Variants in DHRS9 observed in about 807,000 individuals in gnomAD.
DHRS9 encodes dehydrogenase/reductase 9.
Under a neutral mutation model 26.6 loss-of-function variants are expected in DHRS9, and 18 were observed. The ratio of observed to expected loss-of-function variants is 0.68; its 90% CI spans 0.47 to 1.00. The LOEUF (loss-of-function observed/expected upper bound fraction) is 1.00, where lower values mean the gene tolerates loss of function less well. Among genes scored for constraint, DHRS9 ranks in the 50% least tolerant of loss-of-function variants. DHRS9 has a pLI of 0.00. For missense variants in DHRS9, 425 were observed against 378.7 expected (o/e 1.12, Z -1.01); for synonymous variants, 134 against 141.1 (o/e 0.95, Z 0.36).
intron 1 of DHRS9, chr2:169,070,166 T>G: frequency 1.2e-5 from 12 of 985,424 alleles, no homozygotes; most frequent in Non-Finnish European, 1.4e-5. Flanking sequence ...ATCAATATTA[T>G]CAGATGTAAG....
chr2:169,071,535 GA>G (rs1468159221), intron 1 of DHRS9, among the ~76,000 whole-genome samples: 1 of 152,134 alleles, frequency 6.6e-6, no homozygotes, highest in Non-Finnish European at 1.5e-5. Flanking sequence ...AGGAGGGAGG[GA>G]AGCTACATCC....
chr2:169,078,920 T>C (rs1437024745), intron 1 of DHRS9, among the ~76,000 whole-genome samples: 1 of 149,154 alleles, frequency 6.7e-6, no homozygotes, highest in Non-Finnish European at 1.5e-5. Flanking sequence ...ACCTTCTGGG[T>C]TCACGATTCT....
intron 4 of DHRS9, 57 bp from the exon 5 acceptor site, chr2:169,095,487 C>T: frequency 1.4e-6 from 2 of 1,429,214 alleles, no homozygotes; most frequent in Non-Finnish European, 2.0e-6. Flanking sequence ...GCACCCTAGA[C>T]TTCCACTCTG....
chr2:169,067,258 G>A (rs145819588), upstream of DHRS9: 11 of 1,535,356 alleles, frequency 7.2e-6, no homozygotes, highest in East Asian at 2.7e-4. Context: ...ACCACAGCCT[G>A]CACACTGGAG....
chr2:169,072,013 T>G (rs1683822246), intron 1 of DHRS9, among the ~76,000 whole-genome samples: 3 of 151,876 alleles, frequency 2.0e-5, no homozygotes, highest in Non-Finnish European at 4.4e-5. Context: ...CCTGGGTTTT[T>G]TTTTTTTTTT....
intron 3 of DHRS9, among the ~76,000 whole-genome samples, chr2:169,089,085 C>T (rs1312720385): frequency 6.6e-6 from 1 of 152,122 alleles, no homozygotes; most frequent in African/African-American, 2.4e-5. Context: ...GAAATGGTGG[C>T]ACATTAAAAC....
intron 1 of DHRS9, among the ~76,000 whole-genome samples, chr2:169,078,288 C>G (rs972277310): frequency 6.6e-6 from 1 of 152,182 alleles, no homozygotes; most frequent in Non-Finnish European, 1.5e-5. Flanking sequence ...GTGACTCCCT[C>G]GTGCATGCCC....
rs1219197878 is a variant in DHRS9 at position 169,079,919 on chromosome 2, G to GA, written c.-59-1604_-59-1603insA. ...AGAGGGAGGGAGGGAGGGAGGGAGG[G>GA]GGAGAGAGAGAGAGAGAGAGAGAGA... is the stretch of plus-strand genomic sequence containing the variant. On this transcript the variant is annotated intron_variant, in intron 1 of 4. Coordinates refer to ENST00000674881, the MANE Select transcript of DHRS9 (RefSeq NM_001376924.1). 5.0e-4 allele frequency among the ~76,000 whole-genome samples: 20 copies of GA among 39,800 alleles called. 1 individual carries two copies. Among genetic ancestry groups the GA allele is most frequent in the African/African-American group, 1.8e-3 (8 of 4,500 alleles). 26.1% of individuals were successfully genotyped at this position (39,800 alleles called of 152,430 possible).
At chr2:169,068,779 G>A (rs1422053376), upstream of DHRS9, among the ~76,000 whole-genome samples, 2 of 152,132 alleles carry the variant, frequency 1.3e-5, no homozygotes, top group East Asian at 1.9e-4. Context: ...ACTGGTATAC[G>A]AGGAAACTGA....
At chr2:169,090,855 A>C (rs959533454) in intron 3 of DHRS9, among the ~76,000 whole-genome samples, 2 of 152,200 alleles carry the variant, frequency 1.3e-5, no homozygotes, top group Admixed American at 1.3e-4. Flanking sequence ...CAATATGTAC[A>C]ATACTCTCTC....
chr2:169,085,794 T>G (rs758234244), intron 3 of DHRS9, among the ~76,000 whole-genome samples: 1 of 152,238 alleles, frequency 6.6e-6, no homozygotes, highest in African/African-American at 2.4e-5. Flanking sequence ...TTTTTCCAAA[T>G]ATAAGATCAT....
upstream of DHRS9, chr2:169,067,188 C>T (rs1040236341): frequency 2.0e-6 from 3 of 1,535,628 alleles, no homozygotes; most frequent in Non-Finnish European, 2.6e-6. Context: ...CTATCACCAG[C>T]CTCACCCTCC....
intron 1 of DHRS9, among the ~76,000 whole-genome samples, chr2:169,077,361 G>A (rs992117338): frequency 2.0e-5 from 3 of 152,094 alleles, no homozygotes; most frequent in Non-Finnish European, 4.4e-5. Flanking sequence ...GAAAACTACT[G>A]TATTGAAATA....
At chr2:169,080,025 G>GAAAA (rs1684130574) in intron 1 of DHRS9, among the ~76,000 whole-genome samples, 1 of 118,454 alleles carries the variant, frequency 8.4e-6, no homozygotes, top group African/African-American at 3.1e-5. Flanking sequence ...AAGAAAGAAA[G>GAAAA]AAAGAAAGAA....
intron 4 of DHRS9, 26 bp from the exon 5 acceptor site, chr2:169,095,518 G>C (rs193265966): frequency 8.7e-5 from 139 of 1,589,894 alleles, no homozygotes; most frequent in Non-Finnish European, 1.1e-4. Context: ...CTACCAAAGA[G>C]TAAATGTACT....
chr2:169,079,879 A>G (rs868690467), intron 1 of DHRS9, among the ~76,000 whole-genome samples: 652 of 62,288 alleles, frequency 0.01, 34 homozygotes, highest in African/African-American at 0.08. Context: ...GAAAGAAAGA[A>G]AGAAAGAGAG....
In DHRS9 at chr2:169,073,256, G is replaced by A. The variant is rs57570566; in HGVS notation, c.-60+3539G>A. 2.6e-5 allele frequency among the ~76,000 whole-genome samples: 4 copies of A among 152,320 alleles called. No homozygotes were observed. In the South Asian group the frequency reaches 8.3e-4, roughly 32 times the overall value. ...GCAGTGGTAGAACAGAATGGTCTGGGTATCAGTCCCGGAATTGCCACTACA... is the reference window on the plus strand; with the variant it reads ...GCAGTGGTAGAACAGAATGGTCTGGATATCAGTCCCGGAATTGCCACTACA... On this transcript the variant is annotated intron_variant, in intron 1 of 4. Transcript: ENST00000674881.
rs1029967702 is a variant in DHRS9, at chr2:169,096,071, G to A, written c.*304G>A. The stretch of plus-strand genomic sequence containing the variant: ...TTGCCCATTCAAAATGATCTTTACC[G>A]TGGCCTGCCCCATGCTTATGGTCCC... On this transcript the variant is annotated 3_prime_UTR_variant, in exon 5 of 5. Transcript: ENST00000674881. The A allele has an allele frequency of 3.6e-5, 14 of 384,968 alleles. No homozygotes were observed. Among genetic ancestry groups the A allele is most frequent in the Middle Eastern group, 7.2e-4 (1 of 1,388 alleles). 23.8% of individuals were successfully genotyped at this position (384,968 alleles called of 1,614,324 possible).
chr2:169,077,985 G>C (rs540531990), intron 1 of DHRS9, among the ~76,000 whole-genome samples: 1 of 152,330 alleles, frequency 6.6e-6, no homozygotes, highest in East Asian at 1.9e-4. Context: ...CAGCAATCAT[G>C]GACAAGATGT....
Sources: allele counts gnomAD v4.1 joint callset (sites outside exome capture counted in the v4.1 genomes callset), GRCh38; gene constraint gnomAD v4.1.1; transcripts MANE v1.5; gene names NCBI Gene and HGNC (gene_info 2026-07-23, HGNC 2026-07-21).